The following MB variants were observed in gnomAD, a reference collection of about 807,000 sequenced individuals.
The protein encoded by MB is myoglobin.
Under a neutral mutation model 14.5 loss-of-function variants are expected in MB, and 10 were observed. The observed-to-expected ratio is 0.69, with a 90% CI of 0.43 to 1.17. MB has a LOEUF of 1.17. MB is among the 50% of genes most tolerant of loss of function. MB has a pLI of 0.00. For synonymous variants in MB, 89 were observed against 78.6 expected (o/e 1.13, Z -0.70); for missense variants, 169 against 192.7 (o/e 0.88, Z 0.73).
At chr22:35,612,643 A>T (rs2145916727) in intron 1 of MB, among the ~76,000 whole-genome samples, 1 of 152,272 alleles carries the variant, frequency 6.6e-6, no homozygotes, top group East Asian at 1.9e-4. Context: ...GATGGGGTAG[A>T]CGCCATTTTG....
chr22:35,611,959 C>T (rs1922667631), intron 1 of MB, among the ~76,000 whole-genome samples: 1 of 152,192 alleles, frequency 6.6e-6, no homozygotes, highest in South Asian at 2.1e-4. Flanking sequence ...TCAGACCTGC[C>T]CTCTGGGTAG....
chr22:35,610,433 G>T (rs1922519971), intron 2 of MB, among the ~76,000 whole-genome samples: 1 of 152,196 alleles, frequency 6.6e-6, no homozygotes, highest in Non-Finnish European at 1.5e-5. Flanking sequence ...ACTCCCAGTG[G>T]CACAGCAGTT....
chr22:35,611,073 C>T lies in MB; in HGVS notation c.129G>A (p.Lys43=). The change falls in exon 2 of 3, where the codon AAG becomes AAA. Residue 43 remains lysine (K), a synonymous_variant. Transcript: ENST00000397326. ...LFKGHPETLE[K]FDKFKHLKSE... ...ACTTCAGGTGCTTGAACTTGTCAAACTTCTCCAGAGTCTCTGGGTGACCCT... is the reference window on the plus strand; with the variant it reads ...ACTTCAGGTGCTTGAACTTGTCAAATTTCTCCAGAGTCTCTGGGTGACCCT... 3.7e-6 allele frequency: 6 copies of T among 1,614,154 alleles called. No individual in the cohort carries two copies. The highest frequency in any genetic ancestry group is 5.1e-6 in the Non-Finnish European group (6 of 1,180,028).
At chr22:35,610,258 A>C (rs527925237) in intron 2 of MB, among the ~76,000 whole-genome samples, 1 of 152,166 alleles carries the variant, frequency 6.6e-6, no homozygotes, top group Non-Finnish European at 1.5e-5. Context: ...CCAACTTTCC[A>C]ACCCATCTCA....
At chr22:35,622,286 GCCTCCCTGGCAGAGTCTAC>G (rs1273343244), upstream of MB, among the ~76,000 whole-genome samples, 1 of 146,912 alleles carries the variant, frequency 6.8e-6, no homozygotes, top group East Asian at 2.1e-4. Flanking sequence ...CTTAGCTTGT[GCCTCCCTGGCAGAGTCTAC>G]CCTCCTGGAC....
rs758724183 is a variant in MB at position 35,611,029 on chromosome 22, G to A, written c.173C>T (p.Ala58Val). The change falls in exon 2 of 3, where the codon GCG (alanine) becomes GTG (valine). Residue 58 changes from alanine to valine, a missense_variant. Ala to Val is a moderately conservative substitution (Grantham distance 64). Coordinates refer to ENST00000397326, the MANE Select transcript of MB (RefSeq NM_005368.3). ...KHLKSEDEMK[A>V]SEDLKKHGAT... ...ACCATGCTTCTTTAAGTCCTCAGAC[G>A]CCTTCATCTCGTCCTCTGACTTCAG... 9 of 1,614,152 alleles carry A rather than the reference G, an allele frequency of 5.6e-6. No homozygotes were observed. Among genetic ancestry groups the A allele is most frequent in the South Asian group, 2.2e-5 (2 of 91,080 alleles).
intron 2 of MB, among the ~76,000 whole-genome samples, chr22:35,607,829 G>A (rs1185815065): frequency 6.6e-6 from 1 of 152,192 alleles, no homozygotes; most frequent in Non-Finnish European, 1.5e-5. Context: ...CAGCAGAAAA[G>A]AAGGGAAATG....
upstream of MB, chr22:35,617,385 C>T (rs185295112): frequency 1.4e-5 from 9 of 649,374 alleles, no homozygotes; most frequent in Middle Eastern, 3.4e-4. Flanking sequence ...TGACAAAGAT[C>T]GCTCAATGGC....
chr22:35,610,352 T>G (rs2145913004), intron 2 of MB, among the ~76,000 whole-genome samples: 1 of 152,308 alleles, frequency 6.6e-6, no homozygotes, highest in Admixed American at 6.5e-5. Context: ...AGAGCCAACC[T>G]GCTGGTCACC....
intron 2 of MB, among the ~76,000 whole-genome samples, chr22:35,609,586 A>C (rs1023119556): frequency 6.6e-6 from 1 of 152,210 alleles, no homozygotes; most frequent in Non-Finnish European, 1.5e-5. Context: ...GCCTGGTTCC[A>C]GAGTACCATG....
At chr22:35,618,729 C>G (rs915248707), upstream of MB, among the ~76,000 whole-genome samples, 1 of 151,596 alleles carries the variant, frequency 6.6e-6, no homozygotes, top group Admixed American at 6.6e-5. Flanking sequence ...TCCACCAGTT[C>G]CTCCATCTAT....
rs1922331465 is a variant in MB at position 35,608,629 on chromosome 22, AC to A, written c.319-1187del. Among the ~76,000 whole-genome samples, 1 of 152,214 alleles carries A rather than the reference AC, an allele frequency of 6.6e-6. No individual in the cohort carries two copies. The highest frequency in any genetic ancestry group is 2.4e-5 in the African/African-American group (1 of 41,458). On this transcript the variant is annotated intron_variant, in intron 2 of 2. Coordinates refer to ENST00000397326, the MANE Select transcript of MB (RefSeq NM_005368.3). The surrounding 1 kb of genome is among the most constrained non-coding windows in gnomAD (Gnocchi z 4.3). ...CCTTCCATTTCATGAATGCCACAAA[AC>A]AAAGTGGGGGCTCAGGGTGTCATGG... is the stretch of plus-strand genomic sequence containing the variant.
At chr22:35,615,739 G>A (rs1371936076) in intron 1 of MB, 2 of 152,222 alleles carry the variant, frequency 1.3e-5, no homozygotes, top group Non-Finnish European at 2.9e-5. Flanking sequence ...CTTGTCCAAG[G>A]TCACATGGCA....
chr22:35,607,149 C>T lies in MB; in HGVS notation c.*148G>A. ...TGGGCATGCAAAGCCAACTTCAACA[C>T]CCCAGCCCCAGCCCCTCAGCTCCTC... On this transcript the variant is annotated 3_prime_UTR_variant, in exon 3 of 3. Coordinates refer to ENST00000397326, the MANE Select transcript of MB (RefSeq NM_005368.3). 1.1e-6 allele frequency: 1 copy of T among 922,400 alleles called. No individual in the cohort carries two copies. Among genetic ancestry groups the T allele is most frequent in the Non-Finnish European group, 1.6e-6 (1 of 627,590 alleles). 57.1% of individuals were successfully genotyped at this position (922,400 alleles called of 1,614,324 possible).
intron 1 of MB, among the ~76,000 whole-genome samples, chr22:35,611,731 C>G (rs1601843035): frequency 1.3e-5 from 2 of 152,320 alleles, no homozygotes; most frequent in South Asian, 2.1e-4. Context: ...CAGGCACCCA[C>G]TCCTGCCAGG....
intron 1 of MB, among the ~76,000 whole-genome samples, chr22:35,612,189 C>CT (rs1162863391): frequency 2.6e-5 from 4 of 152,200 alleles, no homozygotes. Context: ...AAAAGCTCCT[C>CT]TTTTATGATA....
At chr22:35,616,979 T>C in intron 1 of MB, 184 bp downstream of exon 1, 1 of 575,332 alleles carries the variant, frequency 1.7e-6, no homozygotes, top group Non-Finnish European at 3.1e-6. Flanking sequence ...CTGAAATGGC[T>C]CCTTTCCCTC....
intron 1 of MB, among the ~76,000 whole-genome samples, chr22:35,613,685 AGG>A (rs35141221): frequency 6.6e-6 from 1 of 151,698 alleles, no homozygotes; most frequent in African/African-American, 2.4e-5. Flanking sequence ...TTTGTAGAGA[AGG>A]GGGGTCTCAC....
intron 1 of MB, 168 bp downstream of exon 1, chr22:35,616,995 A>C: frequency 1.7e-6 from 1 of 595,616 alleles, no homozygotes; most frequent in Admixed American, 2.9e-5. Context: ...CCCTCTCCTG[A>C]GTCCAATCCC....
Sources: allele counts gnomAD v4.1 joint callset (sites outside exome capture counted in the v4.1 genomes callset), GRCh38; gene constraint gnomAD v4.1.1; non-coding constraint Gnocchi (gnomAD v3.1); transcripts MANE v1.5; gene names NCBI Gene and HGNC (gene_info 2026-07-23, HGNC 2026-07-21).